ZNF75A: variants seen among roughly 807,000 people sequenced by gnomAD.
The protein encoded by ZNF75A is zinc finger protein 75A.
Under a neutral mutation model 46.3 loss-of-function variants are expected in ZNF75A, and 36 were observed. The ratio of observed to expected loss-of-function variants is 0.78; its 90% CI spans 0.60 to 1.03. The LOEUF is 1.03. Ranked by LOEUF, ZNF75A falls within the 50% of genes least tolerant of loss-of-function variation. The pLI, the probability that ZNF75A is intolerant of heterozygous loss-of-function variation, is 0.00. For synonymous variants in ZNF75A, 234 were observed against 189.9 expected, an observed-to-expected ratio of 1.23 and a Z score of -1.91; for missense variants, 595 against 551.3, an observed-to-expected ratio of 1.08 and a Z score of -0.79.
intron 2 of ZNF75A, among the ~76,000 whole-genome samples, chr16:3,309,885 C>A (rs961789284): frequency 2.0e-5 from 3 of 150,304 alleles, no homozygotes; most frequent in Non-Finnish European, 4.4e-5. Flanking sequence ...GGTGGGAGGA[C>A]TGCTTGAGAC....
chr16:3,312,556 C>T (rs1960889471), intron 3 of ZNF75A, 121 bp from the exon 4 acceptor site: 2 of 202,382 alleles, frequency 9.9e-6, no homozygotes, highest in South Asian at 3.5e-4. Flanking sequence ...TCAGGCATCA[C>T]ACACACCACA....
chr16:3,317,781 C>A lies in ZNF75A; in HGVS notation c.1526C>A (p.Thr509Lys). The A allele has an allele frequency of 6.2e-7, 1 of 1,614,172 alleles. No individual in the cohort carries two copies. Among genetic ancestry groups the A allele is most frequent in the Non-Finnish European group, 8.5e-7 (1 of 1,180,036 alleles). Residue 509 changes from threonine to lysine, a missense_variant, in exon 7 of 7, where the codon ACA becomes AAA. Thr to Lys is a moderately conservative substitution (Grantham distance 78, BLOSUM62 -1). Transcript: ENST00000669516. ...CTTATTAAACACCGGAGAACCCACACAGGTGAGCAGCCATATACTTGTAGC... is the reference window on the plus strand; with the variant it reads ...CTTATTAAACACCGGAGAACCCACAAAGGTGAGCAGCCATATACTTGTAGC... ...SHLIKHRRTH[T>K]GEQPYTCSIC...
In ZNF75A at chr16:3,316,618, C is replaced by T. The variant is rs1725542046; in HGVS notation, c.824-294C>T. The T allele has an allele frequency of 1.9e-5, 4 of 208,106 alleles. No homozygotes were observed. The South Asian group carries it at 5.3e-4, about 28-fold the overall frequency. The allele number at this position is 208,106 out of a possible 1,614,324, so 12.9% of individuals were successfully genotyped here. A position where few individuals can be genotyped will look rare whatever the true frequency, so the allele number is the denominator to read the frequency against. On this transcript the variant is annotated intron_variant, in intron 5 of 6. Coordinates refer to ENST00000669516, the MANE Select transcript of ZNF75A (RefSeq NM_001302109.2). ...CTGCAACTTCTGGAGCTTGGTTCCC[C>T]CTTGGTTGGATATAGGGTATTGATG...
At chr16:3,313,643 A>G (rs546215676) in intron 5 of ZNF75A, among the ~76,000 whole-genome samples, 3 of 152,358 alleles carry the variant, frequency 2.0e-5, no homozygotes, top group Admixed American at 6.5e-5. Context: ...CCAGGCATAC[A>G]TGCGTAGCTT....
intron 5 of ZNF75A, 54 bp from the exon 6 acceptor site, chr16:3,316,858 G>A (rs1961244756): frequency 8.2e-7 from 1 of 1,219,200 alleles, no homozygotes; most frequent in African/African-American, 1.5e-5. Flanking sequence ...GGGATTAGTG[G>A]ACCAGTTCAC....
intron 5 of ZNF75A, among the ~76,000 whole-genome samples, chr16:3,314,559 C>G (rs776234185): frequency 1.3e-5 from 2 of 152,220 alleles, no homozygotes; most frequent in African/African-American, 4.8e-5. Context: ...AACTGGGTAC[C>G]TCCTAGGCTG....
chr16:3,308,946 G>GTTTT, intron 2 of ZNF75A, 110 bp downstream of exon 2: 1 of 631,528 alleles, frequency 1.6e-6, no homozygotes, highest in Non-Finnish European at 2.0e-6. Context: ...TCATTGTTTG[G>GTTTT]TTTTTTTTTT....
At chr16:3,323,253 A>G, downstream of ZNF75A, 1 of 792,208 alleles carries the variant, frequency 1.3e-6, no homozygotes. Flanking sequence ...CATCTCCTTG[A>G]GGAAGCCCAC....
chr16:3,312,633 T>C (rs1960896943), intron 3 of ZNF75A, 44 bp from the exon 4 acceptor site: 1 of 894,194 alleles, frequency 1.1e-6, no homozygotes, highest in African/African-American at 1.8e-5. Flanking sequence ...GCTCAGGATG[T>C]TTATAGATAA....
chr16:3,310,870 C>T (rs548701943), intron 2 of ZNF75A: 14 of 985,330 alleles, frequency 1.4e-5, no homozygotes, highest in African/African-American at 3.5e-5. Flanking sequence ...TGGTGGGTGG[C>T]GACACATCTG....
intron 2 of ZNF75A, among the ~76,000 whole-genome samples, chr16:3,309,796 A>C (rs58462852): frequency 0.062 from 9,398 of 151,738 alleles, 994 homozygotes; most frequent in African/African-American, 0.21. Context: ...ACACAGGAAA[A>C]CAAGGACACT....
At chr16:3,306,376 C>G (rs1960239807) in intron 1 of ZNF75A, 1 of 152,070 alleles carries the variant, frequency 6.6e-6, no homozygotes, top group African/African-American at 2.4e-5. Flanking sequence ...ATTTTGTAAA[C>G]AGAGGTCAGC....
At chr16:3,320,077 G>A (rs898625773), downstream of ZNF75A, among the ~76,000 whole-genome samples, 6 of 151,166 alleles carry the variant, frequency 4.0e-5, no homozygotes, top group Admixed American at 2.0e-4. Context: ...ACGGAGTCTC[G>A]CTCTGTTGCC....
chr16:3,321,038 T>A (rs1364667864), downstream of ZNF75A, among the ~76,000 whole-genome samples: 1 of 152,018 alleles, frequency 6.6e-6, no homozygotes, highest in East Asian at 1.9e-4. Flanking sequence ...ACCTTGGAAT[T>A]TGTGGGGTGG....
chr16:3,323,072 G>T, downstream of ZNF75A: 1 of 553,300 alleles, frequency 1.8e-6, no homozygotes, highest in Non-Finnish European at 2.7e-6. Context: ...TCCAGTTTTT[G>T]AAGATAAAGC....
downstream of ZNF75A, among the ~76,000 whole-genome samples, chr16:3,321,020 TC>T (rs1367789510): frequency 6.6e-6 from 1 of 152,168 alleles, no homozygotes; most frequent in African/African-American, 2.4e-5. Flanking sequence ...ACATGATGTC[TC>T]ATAACAACCT....
chr16:3,320,520 C>T (rs1205414262), downstream of ZNF75A, among the ~76,000 whole-genome samples: 1 of 152,154 alleles, frequency 6.6e-6, no homozygotes, highest in Non-Finnish European at 1.5e-5. Flanking sequence ...TTAAGACCTC[C>T]CAAGACTGTA....
intron 2 of ZNF75A, among the ~76,000 whole-genome samples, chr16:3,311,386 C>G (rs1960778750): frequency 6.7e-6 from 1 of 150,344 alleles, no homozygotes; most frequent in Non-Finnish European, 1.5e-5. Context: ...AGCAGTGAGC[C>G]GAGATTATGC....
rs933465020 is a variant in ZNF75A, at chr16:3,318,128, A to G, written c.*259A>G. On this transcript the variant is annotated 3_prime_UTR_variant, in exon 7 of 7. Coordinates refer to ENST00000669516, the MANE Select transcript of ZNF75A (RefSeq NM_001302109.2). ...CACATCCAATAGAAACATTGGCAGCATGGTCTTCCAAAACAAAAAGCAGTA... is the reference window on the plus strand; with the variant it reads ...CACATCCAATAGAAACATTGGCAGCGTGGTCTTCCAAAACAAAAAGCAGTA... The G allele has an allele frequency of 6.6e-6, 8 of 1,209,760 alleles. No homozygotes were observed. The highest frequency in any genetic ancestry group is 4.1e-5 in the Admixed American group (1 of 24,590). The allele number at this position is 1,209,760 out of a possible 1,614,324, so 74.9% of individuals were successfully genotyped here. A position where few individuals can be genotyped will look rare whatever the true frequency, so the allele number is the denominator to read the frequency against.
Sources: allele counts gnomAD v4.1 joint callset (sites outside exome capture counted in the v4.1 genomes callset), GRCh38; gene constraint gnomAD v4.1.1; transcripts MANE v1.5; gene names NCBI Gene and HGNC (gene_info 2026-07-23, HGNC 2026-07-21).